GRM5: variants seen among roughly 807,000 people sequenced by gnomAD.
The protein encoded by GRM5 is glutamate metabotropic receptor 5.
In GRM5, 19 loss-of-function variants were observed where a neutral mutation model predicts 83.1. The ratio of observed to expected loss-of-function variants is 0.23; its 90% CI spans 0.16 to 0.34. The LOEUF is 0.34. GRM5 is among the 10% of genes least tolerant of loss of function. The pLI is 1.00. For synonymous variants in GRM5, 675 were observed against 633.6 expected, an observed-to-expected ratio of 1.07 and a Z score of -0.98; for missense variants, 1,160 against 1,588.3, an observed-to-expected ratio of 0.73 and a Z score of 4.58.
intron 1 of GRM5, among the ~76,000 whole-genome samples, chr11:89,049,826 T>C (rs542046216): frequency 6.6e-6 from 1 of 152,210 alleles, no homozygotes; most frequent in African/African-American, 2.4e-5. Context: ...TGTTAGATTT[T>C]TCATTGGCAA....
intron 1 of GRM5, among the ~76,000 whole-genome samples, chr11:89,058,262 A>G (rs1218966773): frequency 2.6e-5 from 4 of 152,164 alleles, no homozygotes; most frequent in African/African-American, 9.7e-5. Context: ...GGGTTTCTCA[A>G]CCTGAGCACT....
chr11:88,821,499 T>C (rs1326915999), intron 3 of GRM5, among the ~76,000 whole-genome samples: 1 of 152,044 alleles, frequency 6.6e-6, no homozygotes, highest in Non-Finnish European at 1.5e-5. Context: ...TTGTAAGCCA[T>C]ATCCTTAGTT....
At chr11:89,019,149 T>C (rs1940924367) in intron 2 of GRM5, among the ~76,000 whole-genome samples, 1 of 152,148 alleles carries the variant, frequency 6.6e-6, no homozygotes, top group Non-Finnish European at 1.5e-5. Flanking sequence ...ACGAATCGGG[T>C]ATTTTGTAGA....
In GRM5 at chr11:88,972,493, A is replaced by G. The variant is rs543900919; in HGVS notation, c.661+74719T>C. Among the ~76,000 whole-genome samples, 3 of 152,312 alleles carry G rather than the reference A, an allele frequency of 2.0e-5. No individual in the cohort carries two copies. The South Asian group carries it at 6.2e-4, about 32-fold the overall frequency. The stretch of plus-strand genomic sequence containing the variant: ...CCAGTTATAATATTTTGAGTAAAAT[A>G]AGAATTTATGAGATTTTACTAACAT... On this transcript the variant is annotated intron_variant, in intron 2 of 9. Coordinates refer to ENST00000305447, the MANE Select transcript of GRM5 (RefSeq NM_001143831.3).
chr11:88,984,396 T>C (rs779506812), intron 2 of GRM5, among the ~76,000 whole-genome samples: 10 of 152,188 alleles, frequency 6.6e-5, no homozygotes, highest in African/African-American at 1.2e-4. Context: ...ATTTGTAGCG[T>C]AGGAGCAATA....
chr11:88,937,726 A>C (rs1490656196), intron 2 of GRM5, among the ~76,000 whole-genome samples: 1 of 151,568 alleles, frequency 6.6e-6, no homozygotes, highest in Non-Finnish European at 1.5e-5. Flanking sequence ...ATTTTAAAGC[A>C]AATTCAGTCC....
intron 4 of GRM5, among the ~76,000 whole-genome samples, chr11:88,630,669 C>T (rs1386499920): frequency 6.6e-6 from 1 of 151,958 alleles, no homozygotes; most frequent in African/African-American, 2.4e-5. Flanking sequence ...ACCTCTGCCT[C>T]GCGGGTTTAA....
chr11:88,831,471 G>T (rs1490690528), intron 3 of GRM5, among the ~76,000 whole-genome samples: 1 of 152,180 alleles, frequency 6.6e-6, no homozygotes, highest in African/African-American at 2.4e-5. Flanking sequence ...CAAGCATTCT[G>T]CCAGGAATCT....
At chr11:88,868,717 T>C (rs1944712339) in intron 2 of GRM5, among the ~76,000 whole-genome samples, 1 of 151,804 alleles carries the variant, frequency 6.6e-6, no homozygotes, top group Non-Finnish European at 1.5e-5. Context: ...TCATTAGATA[T>C]GCACTGAGTA....
intron 4 of GRM5, among the ~76,000 whole-genome samples, chr11:88,608,772 T>C (rs966879037): frequency 2.6e-5 from 4 of 152,052 alleles, no homozygotes; most frequent in African/African-American, 9.7e-5. Flanking sequence ...GGCCCCCACT[T>C]GGCCTCCCAA....
chr11:88,778,164 G>A (rs1942898796), intron 3 of GRM5, among the ~76,000 whole-genome samples: 2 of 152,076 alleles, frequency 1.3e-5, no homozygotes, highest in Admixed American at 6.6e-5. Flanking sequence ...CATCAATGGC[G>A]ACACCCCTCC....
chr11:88,999,345 AAAGGGCT>A (rs1940294860), intron 2 of GRM5, among the ~76,000 whole-genome samples: 1 of 152,238 alleles, frequency 6.6e-6, no homozygotes. Context: ...CTCATCTTAC[AAAGGGCT>A]AACAATATCC....
At chr11:88,975,091 CTTAAA>C (rs561777567) in intron 2 of GRM5, among the ~76,000 whole-genome samples, 3 of 152,302 alleles carry the variant, frequency 2.0e-5, no homozygotes, top group South Asian at 2.1e-4. Context: ...ACGTTTAGGA[CTTAAA>C]TTAAGAGAAG....
intron 3 of GRM5, among the ~76,000 whole-genome samples, chr11:88,808,676 T>C (rs187556464): frequency 6.6e-6 from 1 of 151,940 alleles, no homozygotes; most frequent in African/African-American, 2.4e-5. Flanking sequence ...TAAAATATTA[T>C]TGCAAGAAAG....
At chr11:88,594,743 A>G (rs1219767525) in intron 6 of GRM5, among the ~76,000 whole-genome samples, 1 of 152,168 alleles carries the variant, frequency 6.6e-6, no homozygotes, top group African/African-American at 2.4e-5. Context: ...AAAATATTTC[A>G]GTTTCAGTCT....
At chr11:89,016,054 T>A (rs1237238187) in intron 2 of GRM5, among the ~76,000 whole-genome samples, 2 of 152,034 alleles carry the variant, frequency 1.3e-5, no homozygotes, top group African/African-American at 4.8e-5. Flanking sequence ...AGAGAAGATA[T>A]CAGTGATCTA....
At chr11:88,590,941 G>T (rs1047831511) in intron 6 of GRM5, among the ~76,000 whole-genome samples, 4 of 152,084 alleles carry the variant, frequency 2.6e-5, no homozygotes, top group Non-Finnish European at 5.9e-5. Context: ...TTAGCTTGTG[G>T]CAGGATAAAG....
At chr11:89,025,980 C>T (rs762300156) in intron 2 of GRM5, among the ~76,000 whole-genome samples, 18 of 152,296 alleles carry the variant, frequency 1.2e-4, no homozygotes, top group Admixed American at 4.6e-4. Context: ...GGTACATATA[C>T]GCAGTGAAAT....
At chr11:88,547,094 T>C (rs1309845256) in intron 8 of GRM5, among the ~76,000 whole-genome samples, 1 of 152,126 alleles carries the variant, frequency 6.6e-6, no homozygotes, top group Non-Finnish European at 1.5e-5. Context: ...CTATATCTGA[T>C]TAAAAATGGG....
Sources: allele counts gnomAD v4.1 joint callset (sites outside exome capture counted in the v4.1 genomes callset), GRCh38; gene constraint gnomAD v4.1.1; transcripts MANE v1.5; gene names NCBI Gene and HGNC (gene_info 2026-07-23, HGNC 2026-07-21).